The following SPAG17 variants were observed in gnomAD, a reference collection of about 807,000 sequenced individuals.
SPAG17 encodes the protein sperm associated antigen 17.
In SPAG17, 169 loss-of-function variants were observed where a neutral mutation model predicts 273.6. The observed-to-expected ratio is 0.62, with a 90% confidence interval of 0.55 to 0.70. The LOEUF (loss-of-function observed/expected upper bound fraction) is 0.70, where lower values mean the gene tolerates loss of function less well. SPAG17 is among the 30% of genes least tolerant of loss of function. SPAG17 has a pLI of 0.00. For missense variants in SPAG17, 2,557 were observed against 2,627.8 expected, an observed-to-expected ratio of 0.97 and a Z score of 0.59; for synonymous variants, 825 against 873.2, an observed-to-expected ratio of 0.94 and a Z score of 0.97.
At chr1:118,166,394 C>G (rs533129850) in intron 1 of SPAG17, among the ~76,000 whole-genome samples, 8 of 152,172 alleles carry the variant, frequency 5.3e-5, no homozygotes, top group Non-Finnish European at 7.4e-5. Flanking sequence ...GGCTTAAAGA[C>G]AAAGGTAAGG....
intron 17 of SPAG17, among the ~76,000 whole-genome samples, chr1:118,068,740 TA>T (rs1466865381): frequency 6.6e-6 from 1 of 152,124 alleles, no homozygotes; most frequent in Non-Finnish European, 1.5e-5. Context: ...AAAACAAAAA[TA>T]AACAAAATAG....
At chr1:118,068,165 T>TAA (rs1029991194) in intron 17 of SPAG17, among the ~76,000 whole-genome samples, 5 of 150,476 alleles carry the variant, frequency 3.3e-5, no homozygotes, top group African/African-American at 7.3e-5. Context: ...TATATATATA[T>TAA]AACATAATAA....
At chr1:118,168,888 C>A (rs1660292865) in intron 1 of SPAG17, among the ~76,000 whole-genome samples, 1 of 152,094 alleles carries the variant, frequency 6.6e-6, no homozygotes, top group African/African-American at 2.4e-5. Context: ...TGGGTATAGT[C>A]AGCATGTACC....
rs200539422 is a variant in SPAG17, at chr1:118,041,841, C to T, written c.3016G>A (p.Glu1006Lys). ...EQVKIQEVTE[E>K]SPHQPEPKIT... ...TTAGGTTCTGGTTGGTGGGGGGACT[C>T]TTCTGTTACTTCTTGGATCTTGACT... Residue 1006 changes from glutamate (E) to lysine (K), a missense_variant, in exon 21 of 49, where the codon GAG becomes AAG. Physicochemically the swap from Glu to Lys is moderately conservative, Grantham distance 56. Transcript: ENST00000336338. 153 of 1,613,684 alleles carry T rather than the reference C, an allele frequency of 9.5e-5. No homozygotes were observed. The Admixed American group carries it at 1.5e-3, about 16-fold the overall frequency.
chr1:117,996,612 A>G lies in SPAG17; in HGVS notation c.4908T>C (p.Gly1636=), dbSNP rs561024733. The G allele has an allele frequency of 6.2e-7, 1 of 1,610,964 alleles. No homozygotes were observed. The highest frequency in any genetic ancestry group is 1.3e-5 in the African/African-American group (1 of 74,786). The change falls in exon 33 of 49, where the codon GGT becomes GGC. Residue 1636 remains glycine (G), a synonymous_variant. Transcript: ENST00000336338. ...HLEKNHQQIY[G]EHVPRFFVMY... ...TATTCTTTTACCTGGGGACATGTTC[A>G]CCATAGATTTGCTGATGATTCTTTT... is the stretch of plus-strand genomic sequence containing the variant.
intron 4 of SPAG17, among the ~76,000 whole-genome samples, chr1:118,111,186 T>G (rs1343901499): frequency 6.6e-6 from 1 of 152,196 alleles, no homozygotes; most frequent in African/African-American, 2.4e-5. Flanking sequence ...GCATTTTTCC[T>G]GAAGTCTGTA....
At chr1:118,165,378 CCTCCA>C (rs1558056979) in intron 1 of SPAG17, among the ~76,000 whole-genome samples, 1 of 152,080 alleles carries the variant, frequency 6.6e-6, no homozygotes. Flanking sequence ...ACCAGTTAAA[CCTCCA>C]CTCTTAACCT....
In SPAG17 at chr1:118,101,859, G is replaced by A. The variant is rs1159528889; in HGVS notation, c.515C>T (p.Ala172Val). ...GKAKSPKEKK[A>V]PSAKPAKGKG... ...TCCTTTGGCAGGCTTGGCACTTGGA[G>A]CCTTTTTCTCCTTGGGAGATTTTGC... Residue 172 changes from alanine (A) to valine (V), a missense_variant, in exon 5 of 49, where the codon GCT becomes GTT. Ala to Val is a moderately conservative substitution (Grantham distance 64, BLOSUM62 0). Transcript: ENST00000336338. The A allele has an allele frequency of 2.3e-5, 37 of 1,613,848 alleles. No homozygotes were observed. Among genetic ancestry groups the A allele is most frequent in the Non-Finnish European group, 3.1e-5 (37 of 1,179,954 alleles).
chr1:118,086,723 G>A lies in SPAG17; in HGVS notation c.1559C>T (p.Pro520Leu), dbSNP rs894886775. 5 of 1,613,962 alleles carry A rather than the reference G, an allele frequency of 3.1e-6. No homozygotes were observed. Among genetic ancestry groups the A allele is most frequent in the Non-Finnish European group, 4.2e-6 (5 of 1,180,016 alleles). ...TGCATCATGATAGTTCAGTAGGAGG[G>A]GGCCTTTGGGCACTGCTTTGCTTTC... The part of the protein sequence containing the change: ...ENESKAVPKG[P>L]LLLNYHDAHA... The change falls in exon 12 of 49, where the codon CCC becomes CTC. Residue 520 changes from proline to leucine, a missense_variant. Pro to Leu is a moderately conservative substitution (Grantham distance 98, BLOSUM62 -3). Coordinates refer to ENST00000336338, the MANE Select transcript of SPAG17 (RefSeq NM_206996.4).
At chr1:118,144,485 T>G (rs1658860490) in intron 3 of SPAG17, among the ~76,000 whole-genome samples, 1 of 152,204 alleles carries the variant, frequency 6.6e-6, no homozygotes, top group African/African-American at 2.4e-5. Flanking sequence ...CCTAGATTGT[T>G]TTTATAGTCC....
intron 36 of SPAG17, 103 bp downstream of exon 36, chr1:117,992,363 C>T: frequency 4.3e-6 from 5 of 1,175,980 alleles, no homozygotes; most frequent in Non-Finnish European, 5.9e-6. Flanking sequence ...TTGCACTAGA[C>T]AAATATTGGT....
chr1:118,145,861 T>C (rs1206291999), intron 3 of SPAG17, among the ~76,000 whole-genome samples: 1 of 152,188 alleles, frequency 6.6e-6, no homozygotes, highest in Non-Finnish European at 1.5e-5. Context: ...AGAACTTTTA[T>C]TCTTTATAGA....
intron 15 of SPAG17, among the ~76,000 whole-genome samples, chr1:118,078,913 C>T (rs746562418): frequency 6.6e-6 from 1 of 151,834 alleles, no homozygotes; most frequent in Non-Finnish European, 1.5e-5. Context: ...ATAAATGCAA[C>T]CTGTTTGTGA....
intron 30 of SPAG17, 123 bp from the exon 31 acceptor site, chr1:118,008,321 T>A: frequency 8.9e-7 from 1 of 1,118,134 alleles, no homozygotes; most frequent in Non-Finnish European, 1.3e-6. Flanking sequence ...AACACAATTG[T>A]AAAGTCTAGA....
intron 15 of SPAG17, among the ~76,000 whole-genome samples, chr1:118,074,939 T>C (rs922727483): frequency 3.9e-5 from 6 of 152,230 alleles, no homozygotes; most frequent in Non-Finnish European, 8.8e-5. Flanking sequence ...TAAATCAACT[T>C]CTTAGTACAC....
intron 4 of SPAG17, among the ~76,000 whole-genome samples, chr1:118,102,460 A>C (rs1656130695): frequency 6.6e-6 from 1 of 152,246 alleles, no homozygotes; most frequent in Non-Finnish European, 1.5e-5. Context: ...ATAAAGATTA[A>C]AAGATTATTT....
At chr1:118,024,597 A>G (rs570415454) in intron 27 of SPAG17, among the ~76,000 whole-genome samples, 8 of 151,946 alleles carry the variant, frequency 5.3e-5, no homozygotes, top group African/African-American at 1.9e-4. Context: ...TTGGTGGTGT[A>G]GTGTCTACTC....
chr1:118,034,765 T>G (rs556170708), intron 24 of SPAG17, among the ~76,000 whole-genome samples: 3 of 152,166 alleles, frequency 2.0e-5, no homozygotes, highest in Non-Finnish European at 4.4e-5. Flanking sequence ...TGGGGTTCGT[T>G]GTCATCCAGG....
At chr1:118,074,691 CTA>C in intron 15 of SPAG17, 91 bp from the exon 16 acceptor site, 2 of 1,185,182 alleles carry the variant, frequency 1.7e-6, no homozygotes, top group African/African-American at 1.5e-5. Context: ...CCCATATGAT[CTA>C]TGTTTCTGTG....
Sources: gnomAD v4.1 joint callset for allele counts (sites outside exome capture counted in the v4.1 genomes callset) on GRCh38, gnomAD v4.1.1 for gene constraint, MANE v1.5 for transcripts, NCBI Gene and HGNC (gene_info 2026-07-23, HGNC 2026-07-21) for gene names.